The following TOM1 variants were observed in gnomAD, a reference collection of about 807,000 sequenced individuals.
The protein encoded by TOM1 is target of Myb protein 1.
In TOM1, 38 loss-of-function variants were observed where a neutral mutation model predicts 61.3. The observed-to-expected ratio is 0.62, with a 90% CI of 0.48 to 0.81. The LOEUF is 0.81. Ranked by LOEUF, TOM1 falls within the 40% of genes least tolerant of loss-of-function variation. The pLI is 0.00. For synonymous variants in TOM1, 270 were observed against 268.8 expected, an observed-to-expected ratio of 1.00 and a Z score of -0.04; for missense variants, 591 against 659.6, an observed-to-expected ratio of 0.90 and a Z score of 1.14.
chr22:35,339,089 G>A (rs1929648987), intron 12 of TOM1, among the ~76,000 whole-genome samples: 1 of 152,186 alleles, frequency 6.6e-6, no homozygotes. Context: ...CCAGCACTTC[G>A]GGAGGCTGAG....
chr22:35,339,885 C>T (rs1929726897), intron 12 of TOM1, among the ~76,000 whole-genome samples: 1 of 144,416 alleles, frequency 6.9e-6, no homozygotes, highest in Non-Finnish European at 1.5e-5. Context: ...ACCTGGGCGA[C>T]AGAGCGAGAC....
chr22:35,334,387 G>A lies in TOM1; in HGVS notation c.1087G>A (p.Glu363Lys), dbSNP rs1353772466. ...LQSLEASGRLEDEFDMFALTR... is the reference protein window; with the variant it reads ...LQSLEASGRLKDEFDMFALTR... The stretch of plus-strand genomic sequence containing the variant: ...GTCTCTGGAGGCCTCTGGTCGACTG[G>A]AAGATGAGTTTGACATGTTTGCGCT... The change falls in exon 11 of 15, where the codon GAA (glutamate) becomes AAA (lysine). Residue 363 changes from glutamate (E) to lysine (K), a missense_variant. By Grantham distance (56) the Glu-to-Lys change is moderately conservative. Transcript: ENST00000449058. 1 of 1,614,184 alleles carries A rather than the reference G, an allele frequency of 6.2e-7. No homozygotes were observed. Among genetic ancestry groups the A allele is most frequent in the Non-Finnish European group, 8.5e-7 (1 of 1,180,020 alleles).
chr22:35,320,730 C>G (rs564061142), intron 2 of TOM1, among the ~76,000 whole-genome samples: 2 of 152,120 alleles, frequency 1.3e-5, no homozygotes, highest in African/African-American at 4.8e-5. Flanking sequence ...TGGATCTCCC[C>G]GCAAGGTGGG....
chr22:35,306,242 G>T (rs1947294046), intron 1 of TOM1, among the ~76,000 whole-genome samples: 1 of 152,030 alleles, frequency 6.6e-6, no homozygotes, highest in African/African-American at 2.4e-5. Context: ...ATAGTTTGCT[G>T]ACTTCTGAAT....
At chr22:35,331,900 G>A (rs1928874133) in intron 8 of TOM1, among the ~76,000 whole-genome samples, 1 of 151,942 alleles carries the variant, frequency 6.6e-6, no homozygotes, top group African/African-American at 2.4e-5. Flanking sequence ...AAAAAAAAAG[G>A]AAAGAGAAGG....
At chr22:35,321,001 A>AAAAAAAAAAAAAAAC (rs397703691) in intron 2 of TOM1, among the ~76,000 whole-genome samples, 1 of 149,444 alleles carries the variant, frequency 6.7e-6, no homozygotes, top group Non-Finnish European at 1.5e-5. Context: ...AAAAAAAAAA[A>AAAAAAAAAAAAAAAC]CTTGAATGGA....
In TOM1 at chr22:35,317,931, T is replaced by C; in HGVS notation, c.107T>C (p.Ile36Thr). ...QSEDWALNME[I>T]CDIINETEEG... ...GAGGACTGGGCCCTCAACATGGAGA[T>C]CTGCGACATCATCAACGAGACGGAG... The change falls in exon 2 of 15, where the codon ATC becomes ACC. Residue 36 changes from isoleucine to threonine, a missense_variant. Physicochemically the swap from Ile to Thr is moderately conservative, Grantham distance 89. Coordinates refer to ENST00000449058, the MANE Select transcript of TOM1 (RefSeq NM_005488.3). 1.2e-6 allele frequency: 2 copies of C among 1,613,942 alleles called. No homozygotes were observed. Among genetic ancestry groups the C allele is most frequent in the Non-Finnish European group, 8.5e-7 (1 of 1,179,966 alleles).
At chr22:35,330,591 C>A in intron 8 of TOM1, 111 bp downstream of exon 8, 1 of 1,144,502 alleles carries the variant, frequency 8.7e-7, no homozygotes, top group Non-Finnish European at 1.2e-6. Context: ...GTCCTCCTCT[C>A]AAACACAAGG....
intron 2 of TOM1, among the ~76,000 whole-genome samples, chr22:35,319,441 G>C (rs956354689): frequency 6.6e-6 from 1 of 152,178 alleles, no homozygotes; most frequent in African/African-American, 2.4e-5. Flanking sequence ...CTGGGTTGTG[G>C]CCTCCTTGTC....
At chr22:35,339,529 G>A (rs1929685407) in intron 12 of TOM1, among the ~76,000 whole-genome samples, 2 of 152,160 alleles carry the variant, frequency 1.3e-5, no homozygotes, top group Admixed American at 1.3e-4. Context: ...GCTTTACATG[G>A]AGTTAGAGCC....
At chr22:35,338,226 G>C (rs993586236) in intron 11 of TOM1, among the ~76,000 whole-genome samples, 1 of 152,156 alleles carries the variant, frequency 6.6e-6, no homozygotes, top group Non-Finnish European at 1.5e-5. Flanking sequence ...TGGGGGCAGA[G>C]TCATCTTTGT....
chr22:35,323,410 G>T lies in TOM1; in HGVS notation c.367-86G>T. On this transcript the variant is annotated intron_variant, in intron 4 of 14. Transcript: ENST00000449058. The surrounding 1 kb of genome is among the most constrained non-coding windows in gnomAD (Gnocchi z 4.2). Reference sequence around the variant, plus strand: ...TAAAAAAAAAAAAAAAGCAGGGAAAGAATGTCTGTTCTCTGTCTGAGTGCC... The same window carrying T: ...TAAAAAAAAAAAAAAAGCAGGGAAATAATGTCTGTTCTCTGTCTGAGTGCC... 3 of 1,466,898 alleles carry T rather than the reference G, an allele frequency of 2.0e-6. No homozygotes were observed. Among genetic ancestry groups the T allele is most frequent in the Non-Finnish European group, 2.8e-6 (3 of 1,084,858 alleles). The allele number at this position is 1,466,898 out of a possible 1,614,324, so 90.9% of individuals were successfully genotyped here. A position where few individuals can be genotyped will look rare whatever the true frequency, so the allele number is the denominator to read the frequency against.
At chr22:35,339,292 C>T (rs1199089267) in intron 12 of TOM1, among the ~76,000 whole-genome samples, 1 of 152,054 alleles carries the variant, frequency 6.6e-6, no homozygotes, top group African/African-American at 2.4e-5. Context: ...GATTGTGCTA[C>T]TGCACTCCAG....
At chr22:35,315,097 C>T (rs61427661) in intron 1 of TOM1, among the ~76,000 whole-genome samples, 2,160 of 152,202 alleles carry the variant, frequency 0.014, 46 homozygotes, top group African/African-American at 0.049. Flanking sequence ...TCAGAAAGTT[C>T]CTTCTGGACA....
intron 12 of TOM1, among the ~76,000 whole-genome samples, chr22:35,343,381 C>A (rs1161125089): frequency 6.7e-6 from 1 of 149,782 alleles, no homozygotes; most frequent in African/African-American, 2.5e-5. Context: ...TCCACACACA[C>A]CTCCACTCAT....
Position 35,329,202 on chromosome 22 carries a change from C to T in TOM1, c.766-1145C>T, listed in dbSNP as rs565038987. Among the ~76,000 whole-genome samples the T allele has an allele frequency of 1.8e-3, 274 of 152,324 alleles. 2 individuals are homozygous for T. The highest frequency in any genetic ancestry group is 6.5e-3 in the African/African-American group (270 of 41,580). On this transcript the variant is annotated intron_variant, in intron 7 of 14. Coordinates refer to ENST00000449058, the MANE Select transcript of TOM1 (RefSeq NM_005488.3). ...AACTCCTGACCTCAGGTGATCCACC[C>T]GCCTCGGCCTCCCCAAGTGCTGGGA...
intron 1 of TOM1, among the ~76,000 whole-genome samples, chr22:35,305,758 G>T (rs1017199281): frequency 2.0e-5 from 3 of 152,036 alleles, no homozygotes; most frequent in Admixed American, 6.6e-5. Flanking sequence ...TAAGCAGTTC[G>T]GTTTCAGTAT....
intron 12 of TOM1, among the ~76,000 whole-genome samples, chr22:35,342,298 G>A (rs1049535211): frequency 2.0e-5 from 3 of 152,104 alleles, no homozygotes; most frequent in Non-Finnish European, 4.4e-5. Context: ...TGTGTGCCCT[G>A]TGCCATGTGC....
At chr22:35,341,468 G>A (rs2267335) in intron 12 of TOM1, among the ~76,000 whole-genome samples, 72,152 of 152,008 alleles carry the variant, frequency 0.47, 19,683 homozygotes, top group Non-Finnish European at 0.62. Flanking sequence ...AGGAGAGTGA[G>A]TGGAGGTGTG....
Sources: gnomAD v4.1 joint callset for allele counts (sites outside exome capture counted in the v4.1 genomes callset) on GRCh38, gnomAD v4.1.1 for gene constraint, Gnocchi (gnomAD v3.1) non-coding constraint, MANE v1.5 for transcripts, NCBI Gene and HGNC (gene_info 2026-07-23, HGNC 2026-07-21) for gene names.